ZMYND8: variants seen among roughly 807,000 people sequenced by gnomAD.
ZMYND8 encodes MYND-type zinc finger-containing chromatin reader ZMYND8.
In ZMYND8, 37 loss-of-function variants were observed where a neutral mutation model predicts 140.8. That is an observed-to-expected ratio of 0.26 (90% CI 0.20 to 0.35). ZMYND8 has a LOEUF of 0.35. Ranked by LOEUF, ZMYND8 falls within the 10% of genes least tolerant of loss-of-function variation. The pLI is 1.00. For synonymous variants in ZMYND8, 592 were observed against 597.1 expected (o/e 0.99, Z 0.12); for missense variants, 1,068 against 1,570.0 (o/e 0.68, Z 5.40).
chr20:47,291,013 T>C (rs533561020), intron 6 of ZMYND8, among the ~76,000 whole-genome samples: 2 of 152,342 alleles, frequency 1.3e-5, no homozygotes, highest in African/African-American at 4.8e-5. Flanking sequence ...CAAACTGAGA[T>C]ACAGTAATGT....
chr20:47,313,660 G>A (rs189567281), intron 2 of ZMYND8, among the ~76,000 whole-genome samples: 15 of 148,128 alleles, frequency 1.0e-4, no homozygotes, highest in African/African-American at 2.5e-4. Flanking sequence ...GGCTGGGGAC[G>A]GTGGCTCACA....
intron 1 of ZMYND8, chr20:47,349,718 C>T: frequency 8.2e-7 from 1 of 1,223,342 alleles, no homozygotes; most frequent in Non-Finnish European, 1.1e-6. Context: ...GTTTCCCTCT[C>T]TAGCATGAAG....
intron 10 of ZMYND8, among the ~76,000 whole-genome samples, chr20:47,277,655 A>T (rs974744662): frequency 2.1e-5 from 2 of 93,958 alleles, no homozygotes; most frequent in East Asian, 3.1e-4. Context: ...AATTCATTTT[A>T]TTTATTTATT....
At chr20:47,289,200 G>A (rs2147946745) in intron 7 of ZMYND8, among the ~76,000 whole-genome samples, 1 of 152,242 alleles carries the variant, frequency 6.6e-6, no homozygotes, top group East Asian at 1.9e-4. Context: ...ATAAGCACAG[G>A]AAAAGATACG....
At chr20:47,217,356 G>A (rs1198093569) in intron 21 of ZMYND8, among the ~76,000 whole-genome samples, 1 of 152,182 alleles carries the variant, frequency 6.6e-6, no homozygotes, top group African/African-American at 2.4e-5. Flanking sequence ...GGATTGCAAA[G>A]CTCAATTGGT....
At chr20:47,218,283 T>C (rs1190168634) in intron 21 of ZMYND8, among the ~76,000 whole-genome samples, 1 of 152,150 alleles carries the variant, frequency 6.6e-6, no homozygotes, top group Non-Finnish European at 1.5e-5. Flanking sequence ...ATTCATCTTC[T>C]CAGATGCCAT....
Position 47,219,107 on chromosome 20 carries a change from G to A in ZMYND8, c.3484+1151C>T, listed in dbSNP as rs1325258532. On this transcript the variant is annotated intron_variant, in intron 21 of 22. Coordinates refer to ENST00000471951, the MANE Select transcript of ZMYND8 (RefSeq NM_001281775.3). ...GAGTCTCGCTCTGTCTTCCAGGCTG[G>A]AGCGCAGTGGCACGATCTCGACTCA... Among the ~76,000 whole-genome samples, 4 of 141,348 alleles carry A rather than the reference G, an allele frequency of 2.8e-5. No homozygotes were observed. The East Asian group carries it at 8.5e-4, about 30-fold the overall frequency. 92.7% of individuals were successfully genotyped at this position (141,348 alleles called of 152,430 possible). A position where few individuals can be genotyped will look rare whatever the true frequency, so the allele number is the denominator to read the frequency against.
intron 11 of ZMYND8, among the ~76,000 whole-genome samples, chr20:47,264,171 C>T (rs1463191097): frequency 6.6e-6 from 1 of 152,232 alleles, no homozygotes; most frequent in Non-Finnish European, 1.5e-5. Context: ...TCCTTTTCCT[C>T]ATCCGGGAAT....
At chr20:47,317,862 G>A (rs1180031112) in intron 2 of ZMYND8, among the ~76,000 whole-genome samples, 4 of 152,110 alleles carry the variant, frequency 2.6e-5, no homozygotes, top group Admixed American at 2.6e-4. Context: ...ACCTCTCTGT[G>A]CCTCAGAGAG....
At chr20:47,255,497 T>C (rs1471363187) in intron 12 of ZMYND8, among the ~76,000 whole-genome samples, 2 of 150,188 alleles carry the variant, frequency 1.3e-5, no homozygotes, top group African/African-American at 4.9e-5. Context: ...TAAATATATA[T>C]ATCCACCATA....
chr20:47,298,376 G>A lies in ZMYND8; in HGVS notation c.453+353C>T, dbSNP rs2077782738. ...TGCGGCAGGCAACAACATCCAAGAC[G>A]GAGAAAACAGAATGAGATCTTTTCA... On this transcript the variant is annotated intron_variant, in intron 4 of 22. Coordinates refer to ENST00000471951, the MANE Select transcript of ZMYND8 (RefSeq NM_001281775.3). This position sits in a 1 kb window ranked among gnomAD's most constrained non-coding sequence, Gnocchi z 5.0. 2.4e-5 allele frequency: 24 copies of A among 985,202 alleles called. No individual in the cohort carries two copies. Among genetic ancestry groups the A allele is most frequent in the Admixed American group, 6.2e-5 (1 of 16,246 alleles). 61.0% of individuals were successfully genotyped at this position (985,202 alleles called of 1,614,324 possible).
intron 12 of ZMYND8, among the ~76,000 whole-genome samples, chr20:47,259,526 C>T (rs981855941): frequency 6.6e-6 from 1 of 152,160 alleles, no homozygotes; most frequent in African/African-American, 2.4e-5. Context: ...AGGGCGCCAA[C>T]CACCAAAGGC....
At chr20:47,355,223 C>A (rs1326684966) in intron 1 of ZMYND8, among the ~76,000 whole-genome samples, 2 of 152,210 alleles carry the variant, frequency 1.3e-5, no homozygotes, top group African/African-American at 4.8e-5. Context: ...TCCCCTGACT[C>A]AGGGTAAACA....
intron 2 of ZMYND8, 82 bp from the exon 3 acceptor site, chr20:47,310,286 T>C (rs1193859931): frequency 2.7e-6 from 4 of 1,503,426 alleles, no homozygotes; most frequent in Admixed American, 2.3e-5. Flanking sequence ...AGGAACCAAG[T>C]GTGGGAACAG....
intron 2 of ZMYND8, among the ~76,000 whole-genome samples, chr20:47,342,270 T>C (rs941344288): frequency 5.9e-5 from 9 of 151,964 alleles, no homozygotes; most frequent in African/African-American, 2.2e-4. Context: ...ATCCTCTGGG[T>C]GCGGTGGCTC....
intron 1 of ZMYND8, chr20:47,355,525 A>T: frequency 2.0e-6 from 2 of 985,354 alleles, no homozygotes; most frequent in Non-Finnish European, 2.4e-6. Context: ...TTGGGACTTG[A>T]TCAAAAAGGA....
chr20:47,262,161 A>C, intron 12 of ZMYND8, 127 bp downstream of exon 12: 2 of 1,355,698 alleles, frequency 1.5e-6, no homozygotes, highest in Non-Finnish European at 2.1e-6. Context: ...TCATCCTCTG[A>C]AACTTTTGCA....
At chr20:47,309,941 G>T (rs1489047380) in intron 3 of ZMYND8, 115 bp downstream of exon 3, 2 of 1,407,992 alleles carry the variant, frequency 1.4e-6, no homozygotes, top group Non-Finnish European at 9.8e-7. Flanking sequence ...GACAGCCAGC[G>T]CAAGGCAGCT....
chr20:47,227,088 G>T (rs947942893), intron 18 of ZMYND8, 115 bp downstream of exon 18: 1 of 1,116,862 alleles, frequency 9.0e-7, no homozygotes, highest in Non-Finnish European at 1.3e-6. Context: ...CTCCCTACGA[G>T]TCATACAATC....
Sources: gnomAD v4.1 joint callset for allele counts (sites outside exome capture counted in the v4.1 genomes callset) on GRCh38, gnomAD v4.1.1 for gene constraint, Gnocchi (gnomAD v3.1) non-coding constraint, MANE v1.5 for transcripts, NCBI Gene and HGNC (gene_info 2026-07-23, HGNC 2026-07-21) for gene names.